LPP: variants seen among roughly 807,000 people sequenced by gnomAD.
The protein encoded by LPP is LIM domain containing preferred translocation partner in lipoma.
LPP carries 38 observed loss-of-function variants against 60.4 expected under a neutral mutation model. The ratio of observed to expected loss-of-function variants is 0.63; its 90% confidence interval spans 0.49 to 0.83. LPP has a LOEUF of 0.83. LPP is among the 40% of genes least tolerant of loss of function. The pLI, the probability that LPP is intolerant of heterozygous loss-of-function variation, is 0.00. For synonymous variants in LPP, 328 were observed against 290.8 expected (o/e 1.13, Z -1.30); for missense variants, 902 against 783.6 (o/e 1.15, Z -1.80).
chr3:188,463,159 T>C (rs1579093008), intron 4 of LPP, among the ~76,000 whole-genome samples: 1 of 152,104 alleles, frequency 6.6e-6, no homozygotes, highest in East Asian at 1.9e-4. Flanking sequence ...GTGGTGTCTC[T>C]TTTACTGCAT....
chr3:188,868,527 T>C (rs1209464463), intron 10 of LPP, among the ~76,000 whole-genome samples: 6 of 152,252 alleles, frequency 3.9e-5, no homozygotes, highest in African/African-American at 7.2e-5. Flanking sequence ...ATAATAATGT[T>C]GTCTTCATGA....
intron 6 of LPP, among the ~76,000 whole-genome samples, chr3:188,536,319 A>AT (rs10603523): frequency 6.8e-4 from 103 of 150,538 alleles, no homozygotes; most frequent in South Asian, 1.0e-3. Flanking sequence ...ATATTACAAG[A>AT]TTTTTTTTTT....
rs80221510 is a variant in LPP at position 188,810,803 on chromosome 3, A to G, written c.1410+50521A>G. 5.0e-3 allele frequency among the ~76,000 whole-genome samples: 756 copies of G among 152,134 alleles called. 7 individuals carry two copies. The highest frequency in any genetic ancestry group is 0.02 in the South Asian group (94 of 4,808). ...TGTCTGGCTTGTTTTAAATTATTGTATGGGTGGGAGTGGTGCTCCTTTCAT... is the reference window on the plus strand; with the variant it reads ...TGTCTGGCTTGTTTTAAATTATTGTGTGGGTGGGAGTGGTGCTCCTTTCAT... On this transcript the variant is annotated intron_variant, in intron 9 of 11. Coordinates refer to ENST00000617246, the MANE Select transcript of LPP (RefSeq NM_001375462.1).
At chr3:188,263,230 A>T (rs1404655069) in intron 2 of LPP, among the ~76,000 whole-genome samples, 1 of 152,228 alleles carries the variant, frequency 6.6e-6, no homozygotes, top group African/African-American at 2.4e-5. Flanking sequence ...GACTATGTAC[A>T]TAACAATGAC....
intron 2 of LPP, among the ~76,000 whole-genome samples, chr3:188,331,740 C>T (rs1760140042): frequency 6.6e-6 from 1 of 152,174 alleles, no homozygotes; most frequent in Non-Finnish European, 1.5e-5. Flanking sequence ...CACATTTTAT[C>T]TCTGATGGTA....
chr3:188,667,507 T>G (rs539290210), intron 7 of LPP, among the ~76,000 whole-genome samples: 9 of 151,532 alleles, frequency 5.9e-5, no homozygotes, highest in Non-Finnish European at 1.3e-4. Context: ...GGTAGCAGTT[T>G]TACATAGATT....
chr3:188,334,924 A>G (rs1761227448), intron 2 of LPP, among the ~76,000 whole-genome samples: 1 of 152,074 alleles, frequency 6.6e-6, no homozygotes, highest in South Asian at 2.1e-4. Context: ...CATTTTCTGT[A>G]TATGGATGTC....
At chr3:188,808,476 A>G (rs943271359) in intron 9 of LPP, among the ~76,000 whole-genome samples, 2 of 151,892 alleles carry the variant, frequency 1.3e-5, no homozygotes, top group South Asian at 2.1e-4. Flanking sequence ...CCTACCTATG[A>G]TGAGTTATCA....
At chr3:188,546,330 C>T (rs1439676279) in intron 6 of LPP, among the ~76,000 whole-genome samples, 1 of 152,140 alleles carries the variant, frequency 6.6e-6, no homozygotes, top group Non-Finnish European at 1.5e-5. Context: ...TGTTACTAAT[C>T]ACCATTTCCA....
chr3:188,813,981 A>G (rs1004889624), intron 9 of LPP, among the ~76,000 whole-genome samples: 4 of 152,140 alleles, frequency 2.6e-5, no homozygotes, highest in African/African-American at 7.2e-5. Context: ...CTGAGGCAGG[A>G]CAATCACTTG....
At chr3:188,669,668 G>A (rs147170478) in intron 7 of LPP, among the ~76,000 whole-genome samples, 1 of 152,140 alleles carries the variant, frequency 6.6e-6, no homozygotes, top group Non-Finnish European at 1.5e-5. Flanking sequence ...CTGTTGGTGG[G>A]AGTTCAACCA....
At chr3:188,439,766 T>C (rs1793310988) in intron 4 of LPP, among the ~76,000 whole-genome samples, 1 of 152,240 alleles carries the variant, frequency 6.6e-6, no homozygotes, top group African/African-American at 2.4e-5. Flanking sequence ...ACATGGTAGC[T>C]GCCCTTGGGA....
intron 3 of LPP, among the ~76,000 whole-genome samples, chr3:188,403,990 G>A (rs553449118): frequency 1.3e-5 from 2 of 152,212 alleles, no homozygotes; most frequent in East Asian, 3.9e-4. Context: ...TACCATCACT[G>A]GCTTCAATAG....
intron 1 of LPP, among the ~76,000 whole-genome samples, chr3:188,221,597 G>A (rs1249650847): frequency 6.6e-6 from 1 of 152,152 alleles, no homozygotes; most frequent in Non-Finnish European, 1.5e-5. Context: ...CATGAGCCCG[G>A]CCATTCGAAT....
At chr3:188,238,812 T>C (rs748218527) in intron 2 of LPP, among the ~76,000 whole-genome samples, 8 of 152,168 alleles carry the variant, frequency 5.3e-5, no homozygotes, top group Non-Finnish European at 8.8e-5. Flanking sequence ...CACAGAGCCA[T>C]GAAATGAGCA....
chr3:188,545,835 G>T (rs1483483361), intron 6 of LPP, among the ~76,000 whole-genome samples: 2 of 152,024 alleles, frequency 1.3e-5, no homozygotes, highest in Non-Finnish European at 2.9e-5. Context: ...GTTGATTGAG[G>T]TCCACCTGGG....
intron 4 of LPP, among the ~76,000 whole-genome samples, chr3:188,474,756 G>A (rs1398588460): frequency 6.6e-6 from 1 of 152,098 alleles, no homozygotes; most frequent in African/African-American, 2.4e-5. Context: ...TTTTTAAACC[G>A]AGGTAATTTT....
intron 9 of LPP, among the ~76,000 whole-genome samples, chr3:188,794,050 GT>G (rs1295672558): frequency 6.6e-6 from 1 of 152,164 alleles, no homozygotes; most frequent in Non-Finnish European, 1.5e-5. Context: ...TTTAGAAGCT[GT>G]TTTGGAGAGG....
In LPP at chr3:188,881,818, T is replaced by C. The variant is rs1382599719; in HGVS notation, c.*7339T>C. 1 of 216,730 alleles carries C rather than the reference T, an allele frequency of 4.6e-6. No homozygotes were observed. The highest frequency in any genetic ancestry group is 9.3e-6 in the Non-Finnish European group (1 of 107,722). 13.4% of individuals were successfully genotyped at this position (216,730 alleles called of 1,614,324 possible). A position where few individuals can be genotyped will look rare whatever the true frequency, so the allele number is the denominator to read the frequency against. On this transcript the variant is annotated 3_prime_UTR_variant, in exon 12 of 12. Transcript: ENST00000617246. ...TTTCATATTAAATATTAACACTTTA[T>C]AGGTTCTACTTTAATATATGGACAC...
Sources: gnomAD v4.1 joint callset for allele counts (sites outside exome capture counted in the v4.1 genomes callset) on GRCh38, gnomAD v4.1.1 for gene constraint, MANE v1.5 for transcripts, NCBI Gene and HGNC (gene_info 2026-07-23, HGNC 2026-07-21) for gene names.